The following PLEKHA8 variants were observed in gnomAD, a reference collection of about 807,000 sequenced individuals.
PLEKHA8 encodes pleckstrin homology domain-containing family A member 8.
PLEKHA8 carries 36 observed loss-of-function variants against 68.2 expected under a neutral mutation model. That is an observed-to-expected ratio of 0.53 (90% CI 0.40 to 0.70). The LOEUF (loss-of-function observed/expected upper bound fraction) is 0.70, where lower values mean the gene tolerates loss of function less well. PLEKHA8 is among the 30% of genes least tolerant of loss of function. The pLI is 0.00. For synonymous variants in PLEKHA8, 211 were observed against 216.1 expected, an observed-to-expected ratio of 0.98 and a Z score of 0.20; for missense variants, 505 against 615.4, an observed-to-expected ratio of 0.82 and a Z score of 1.90.
Position 30,079,455 on chromosome 7 carries a change from G to A in PLEKHA8, c.*668G>A. Reference sequence around the variant, plus strand: ...GTGTGCCCTAGCCCCAAGTTGGAGGGGAGAATATGAGAGAGGTGGGACAGG... The same window carrying A: ...GTGTGCCCTAGCCCCAAGTTGGAGGAGAGAATATGAGAGAGGTGGGACAGG... On this transcript the variant is annotated 3_prime_UTR_variant, in exon 14 of 14. Transcript: ENST00000449726. The A allele has an allele frequency of 2.0e-6, 2 of 985,372 alleles. No homozygotes were observed. Among genetic ancestry groups the A allele is most frequent in the Non-Finnish European group, 2.4e-6 (2 of 829,926 alleles). The allele number at this position is 985,372 out of a possible 1,614,324, so 61.0% of individuals were successfully genotyped here.
intron 6 of PLEKHA8, 46 bp from the exon 7 acceptor site, chr7:30,052,660 AGAC>A: frequency 7.2e-7 from 1 of 1,384,372 alleles, no homozygotes; most frequent in East Asian, 2.7e-5. Context: ...AAAAAAAAAA[AGAC>A]CAAATAACGA....
intron 13 of PLEKHA8, among the ~76,000 whole-genome samples, chr7:30,099,796 C>T (rs1045590827): frequency 1.3e-5 from 2 of 152,140 alleles, no homozygotes; most frequent in Admixed American, 6.5e-5. Context: ...TGAAATAGAA[C>T]AACTAGATAA....
intron 13 of PLEKHA8, among the ~76,000 whole-genome samples, chr7:30,112,540 A>G (rs1796306348): frequency 6.6e-6 from 1 of 152,092 alleles, no homozygotes; most frequent in Admixed American, 6.6e-5. Flanking sequence ...TTGTGGGTTT[A>G]ACTGCACACA....
In PLEKHA8 at chr7:30,047,975, ATAT is replaced by A; in HGVS notation, c.438+25_438+27del. ...TTCTGAGGTAAAATATTATTTATTA[ATAT>A]TATTAATATACATGAATAATATAAA... is the stretch of plus-strand genomic sequence containing the variant. On this transcript the variant is annotated intron_variant, in intron 4 of 13. Coordinates refer to ENST00000449726, the MANE Select transcript of PLEKHA8 (RefSeq NM_001197026.2). 4.8e-6 allele frequency: 6 copies of A among 1,248,702 alleles called. No individual in the cohort carries two copies. Among genetic ancestry groups the A allele is most frequent in the Admixed American group, 3.2e-5 (1 of 30,834 alleles). The allele number at this position is 1,248,702 out of a possible 1,614,324, so 77.4% of individuals were successfully genotyped here. A position where few individuals can be genotyped will look rare whatever the true frequency, so the allele number is the denominator to read the frequency against.
At chr7:30,060,536 A>G (rs1243432134) in intron 9 of PLEKHA8, among the ~76,000 whole-genome samples, 4 of 152,206 alleles carry the variant, frequency 2.6e-5, no homozygotes, top group Non-Finnish European at 4.4e-5. Context: ...TACTTCCAGT[A>G]CATTTTGGTT....
At chr7:30,102,226 A>G (rs971737235) in intron 13 of PLEKHA8, among the ~76,000 whole-genome samples, 1 of 152,236 alleles carries the variant, frequency 6.6e-6, no homozygotes, top group African/African-American at 2.4e-5. Context: ...CAACAAGGAG[A>G]TACCATTTCA....
intron 1 of PLEKHA8, among the ~76,000 whole-genome samples, chr7:30,036,428 A>G (rs192548215): frequency 9.3e-4 from 138 of 148,030 alleles, no homozygotes; most frequent in African/African-American, 3.3e-3. Context: ...AGATAGATAG[A>G]TAGATAGATA....
At chr7:30,120,165 A>C (rs576395458) in intron 13 of PLEKHA8, among the ~76,000 whole-genome samples, 2 of 143,658 alleles carry the variant, frequency 1.4e-5, no homozygotes, top group East Asian at 3.9e-4. Context: ...TTAAAAAAAA[A>C]AAAACAAAAA....
intron 3 of PLEKHA8, among the ~76,000 whole-genome samples, chr7:30,047,581 G>C (rs1264210695): frequency 6.6e-6 from 1 of 152,128 alleles, no homozygotes; most frequent in African/African-American, 2.4e-5. Context: ...TTGTATACTG[G>C]TGATTATTCG....
In PLEKHA8 at chr7:30,028,758, G is replaced by A; in HGVS notation, c.-5G>A. On this transcript the variant is annotated 5_prime_UTR_variant, in exon 1 of 14. Coordinates refer to ENST00000449726, the MANE Select transcript of PLEKHA8 (RefSeq NM_001197026.2). Reference sequence around the variant, plus strand: ...GCGGGCGTGGGCCGAGTGGCCGCGGGCGCCATGGAGGGGGTGCTGTACAAG... The same window carrying A: ...GCGGGCGTGGGCCGAGTGGCCGCGGACGCCATGGAGGGGGTGCTGTACAAG... The A allele has an allele frequency of 7.9e-7, 1 of 1,265,522 alleles. No homozygotes were observed. Among genetic ancestry groups the A allele is most frequent in the Non-Finnish European group, 1.0e-6 (1 of 999,616 alleles). The allele number at this position is 1,265,522 out of a possible 1,614,324, so 78.4% of individuals were successfully genotyped here. A position where few individuals can be genotyped will look rare whatever the true frequency, so the allele number is the denominator to read the frequency against.
intron 1 of PLEKHA8, among the ~76,000 whole-genome samples, chr7:30,030,613 A>G (rs1478971802): frequency 5.3e-5 from 8 of 152,204 alleles, no homozygotes; most frequent in African/African-American, 1.9e-4. Flanking sequence ...TCTCTACGTG[A>G]TGCTGCTTGT....
Position 30,050,438 on chromosome 7 carries a change from A to G in PLEKHA8, c.602A>G (p.Lys201Arg). 6.3e-7 allele frequency: 1 copy of G among 1,579,690 alleles called. No individual in the cohort carries two copies. The highest frequency in any genetic ancestry group is 8.6e-7 in the Non-Finnish European group (1 of 1,165,458). Residue 201 changes from lysine to arginine, a missense_variant, in exon 6 of 14, where the codon AAA becomes AGA. Physicochemically the swap from Lys to Arg is conservative, Grantham distance 26 (BLOSUM62 2). Transcript: ENST00000449726. ...CTTTCTTTGCTTCTTTTAAAGATGAAACATCCTATTATACCAATTCATAAT... is the reference window on the plus strand; with the variant it reads ...CTTTCTTTGCTTCTTTTAAAGATGAGACATCCTATTATACCAATTCATAAT... ...QLAMLKSSKM[K>R]HPIIPIHNSL... is the part of the protein sequence containing the mutation.
downstream of PLEKHA8, among the ~76,000 whole-genome samples, chr7:30,087,697 T>C (rs531860309): frequency 6.6e-6 from 1 of 152,302 alleles, no homozygotes; most frequent in African/African-American, 2.4e-5. Context: ...AACCTGAAAA[T>C]GCTCCCTGTG....
chr7:30,059,681 T>C (rs1343938324), intron 9 of PLEKHA8, among the ~76,000 whole-genome samples: 3 of 151,940 alleles, frequency 2.0e-5, no homozygotes, highest in African/African-American at 7.2e-5. Flanking sequence ...TTTTTTTTTT[T>C]TAAGAATTCC....
At chr7:30,106,215 C>A (rs558344890) in intron 13 of PLEKHA8, among the ~76,000 whole-genome samples, 1 of 152,018 alleles carries the variant, frequency 6.6e-6, no homozygotes, top group African/African-American at 2.4e-5. Context: ...CATGCCACCA[C>A]GGCCAGCTAA....
At chr7:30,059,658 A>G (rs1583837487) in intron 9 of PLEKHA8, among the ~76,000 whole-genome samples, 1 of 147,536 alleles carries the variant, frequency 6.8e-6, no homozygotes, top group East Asian at 2.0e-4. Context: ...CTTTTAGATC[A>G]ATCAAGTATT....
intron 13 of PLEKHA8, among the ~76,000 whole-genome samples, chr7:30,077,527 T>G (rs1794682030): frequency 6.6e-6 from 1 of 152,186 alleles, no homozygotes; most frequent in South Asian, 2.1e-4. Flanking sequence ...GTGGTATTAG[T>G]CTTCTTCTAT....
At chr7:30,116,778 C>G (rs1200941005) in intron 13 of PLEKHA8, among the ~76,000 whole-genome samples, 1 of 152,210 alleles carries the variant, frequency 6.6e-6, no homozygotes, top group African/African-American at 2.4e-5. Context: ...GAAAATTGCT[C>G]TCTGAGCAAA....
intron 1 of PLEKHA8, among the ~76,000 whole-genome samples, chr7:30,037,705 TG>T (rs201113603): frequency 0.055 from 8,431 of 152,270 alleles, 361 homozygotes; most frequent in Middle Eastern, 0.078. Context: ...TCTTTACTTT[TG>T]GCTAACTTTT....
Sources: allele counts gnomAD v4.1 joint callset (sites outside exome capture counted in the v4.1 genomes callset), GRCh38; gene constraint gnomAD v4.1.1; transcripts MANE v1.5; gene names NCBI Gene and HGNC (gene_info 2026-07-23, HGNC 2026-07-21).